HERC1: variants seen among roughly 807,000 people sequenced by gnomAD.
HERC1 encodes HECT and RLD domain containing E3 ubiquitin protein ligase family member 1.
In HERC1, 160 loss-of-function variants were observed where a neutral mutation model predicts 554.3. That is an observed-to-expected ratio of 0.29 (90% CI 0.25 to 0.33). The LOEUF is 0.33. Ranked by LOEUF, HERC1 falls within the 10% of genes least tolerant of loss-of-function variation. The pLI, the probability that HERC1 is intolerant of heterozygous loss-of-function variation, is 1.00. For missense variants in HERC1, 4,919 were observed against 5,918.5 expected (o/e 0.83, Z 5.54); for synonymous variants, 2,175 against 2,131.7 (o/e 1.02, Z -0.56).
At chr15:63,740,958 G>C (rs2074774916) in intron 12 of HERC1, among the ~76,000 whole-genome samples, 1 of 151,542 alleles carries the variant, frequency 6.6e-6, no homozygotes, top group Non-Finnish European at 1.5e-5. Flanking sequence ...TTGGTTGTTT[G>C]TGCTTTTGAT....
chr15:63,832,246 A>AT (rs1222030689), intron 1 of HERC1, among the ~76,000 whole-genome samples: 3 of 152,190 alleles, frequency 2.0e-5, no homozygotes, highest in Non-Finnish European at 2.9e-5. Context: ...TCCAAGATAT[A>AT]TAAATGTGTA....
At chr15:63,726,379 G>T (rs1450479862) in intron 17 of HERC1, among the ~76,000 whole-genome samples, 1 of 152,070 alleles carries the variant, frequency 6.6e-6, no homozygotes, top group Non-Finnish European at 1.5e-5. Flanking sequence ...TAAAAATAGA[G>T]ACTGAAAAAT....
chr15:63,681,267 T>C (rs1189047118), intron 34 of HERC1, among the ~76,000 whole-genome samples: 1 of 152,162 alleles, frequency 6.6e-6, no homozygotes, highest in Non-Finnish European at 1.5e-5. Context: ...AGTAGCATGA[T>C]CATGGCTCAC....
rs149325973 is a variant in HERC1, at chr15:63,809,009, GAAGA to G, written c.-27+24814_-27+24817del. Among the ~76,000 whole-genome samples, 795 of 152,226 alleles carry G rather than the reference GAAGA, an allele frequency of 5.2e-3. 8 individuals carry two copies. Among genetic ancestry groups the G allele is most frequent in the African/African-American group, 0.018 (766 of 41,530 alleles). On this transcript the variant is annotated intron_variant, in intron 1 of 77. Coordinates refer to ENST00000443617, the MANE Select transcript of HERC1 (RefSeq NM_003922.4). Reference sequence around the variant, plus strand: ...TTATGGCCTCCCTAAAATAAAAAATGAAGAAATAGCAAAAATATCAGAAGTAAGT... The same window carrying G: ...TTATGGCCTCCCTAAAATAAAAAATGAATAGCAAAAATATCAGAAGTAAGT...
In HERC1 at chr15:63,725,509, C is replaced by T. The variant is rs2074003845; in HGVS notation, c.3351G>A (p.Gly1117=). ...GACCAGCAGGATCAATTAGTTCTGGCCCTCCTAAAGACAAAATCATTAGTT... is the reference window on the plus strand; with the variant it reads ...GACCAGCAGGATCAATTAGTTCTGGTCCTCCTAAAGACAAAATCATTAGTT... The part of the protein sequence containing the change: ...DQELQWPLHG[G]PELIDPAGLP... The change falls in exon 18 of 78, where the codon GGG becomes GGA. Residue 1117 remains glycine (G), a synonymous_variant. Coordinates refer to ENST00000443617, the MANE Select transcript of HERC1 (RefSeq NM_003922.4). The T allele has an allele frequency of 1.2e-5, 19 of 1,613,108 alleles. No homozygotes were observed. The highest frequency in any genetic ancestry group is 1.5e-5 in the Non-Finnish European group (18 of 1,179,322).
intron 34 of HERC1, among the ~76,000 whole-genome samples, chr15:63,681,969 G>A (rs917314699): frequency 2.6e-5 from 4 of 152,170 alleles, no homozygotes; most frequent in African/African-American, 7.2e-5. Context: ...GTGTATCAAC[G>A]TGTGGAGTCT....
rs1595855658 is a variant in HERC1, at chr15:63,630,032, A to G, written c.12966+434T>C. Reference sequence around the variant, plus strand: ...AAAACCTAAAGATACTTTGTATGCCATCATATTATAAAATATAAAAATATT... The same window carrying G: ...AAAACCTAAAGATACTTTGTATGCCGTCATATTATAAAATATAAAAATATT... On this transcript the variant is annotated intron_variant, in intron 69 of 77. Transcript: ENST00000443617. Among the ~76,000 whole-genome samples, 3 of 152,326 alleles carry G rather than the reference A, an allele frequency of 2.0e-5. No individual in the cohort carries two copies. The South Asian group carries it at 6.2e-4, about 32-fold the overall frequency.
At chr15:63,658,757 G>A (rs1302191847) in intron 47 of HERC1, 39 bp from the exon 48 acceptor site, 5 of 1,521,858 alleles carry the variant, frequency 3.3e-6, no homozygotes, top group Middle Eastern at 1.7e-4. Context: ...AACAAGGTAA[G>A]AAAAAAATAC....
At chr15:63,803,884 G>C (rs1596295811) in intron 1 of HERC1, among the ~76,000 whole-genome samples, 1 of 152,234 alleles carries the variant, frequency 6.6e-6, no homozygotes, top group Admixed American at 6.5e-5. Flanking sequence ...TATAAAACTA[G>C]TAACTAGTAA....
intron 1 of HERC1, among the ~76,000 whole-genome samples, chr15:63,781,649 A>G (rs1404320671): frequency 6.6e-6 from 1 of 152,188 alleles, no homozygotes; most frequent in East Asian, 1.9e-4. Flanking sequence ...GCCAACTAAT[A>G]ACCCTACAAT....
intron 12 of HERC1, among the ~76,000 whole-genome samples, chr15:63,743,713 T>C (rs1313852788): frequency 6.6e-6 from 1 of 152,238 alleles, no homozygotes; most frequent in African/African-American, 2.4e-5. Flanking sequence ...GGATTCTGAA[T>C]TCCTTCTCTG....
rs77455514 is a variant in HERC1, at chr15:63,829,264, A to T, written c.-27+4563T>A. 5.5e-5 allele frequency among the ~76,000 whole-genome samples: 8 copies of T among 145,808 alleles called. No homozygotes were observed. In the East Asian group the frequency reaches 1.6e-3, roughly 29 times the overall value. On this transcript the variant is annotated intron_variant, in intron 1 of 77. Transcript: ENST00000443617. ...CAGGACCTCGTCTCTACTAAAAATT[A>T]AAAAAAAATCAGCGGGGCATGGTGG...
intron 12 of HERC1, 119 bp downstream of exon 12, chr15:63,746,799 G>T (rs918374411): frequency 2.3e-6 from 2 of 875,536 alleles, no homozygotes; most frequent in Admixed American, 2.7e-5. Context: ...AAGAAAACAG[G>T]AGTAAGGGAA....
chr15:63,820,990 C>T (rs2077670343), intron 1 of HERC1, among the ~76,000 whole-genome samples: 2 of 152,194 alleles, frequency 1.3e-5, no homozygotes, highest in Non-Finnish European at 2.9e-5. Context: ...TCACATATTA[C>T]TTAGCACACT....
chr15:63,681,639 A>C (rs1470567046), intron 34 of HERC1, among the ~76,000 whole-genome samples: 2 of 152,110 alleles, frequency 1.3e-5, no homozygotes, highest in Non-Finnish European at 2.9e-5. Flanking sequence ...CTGACCTAGA[A>C]CATTTAAACA....
chr15:63,707,585 T>C (rs1001173720), intron 24 of HERC1, among the ~76,000 whole-genome samples: 1 of 152,206 alleles, frequency 6.6e-6, no homozygotes, highest in African/African-American at 2.4e-5. Context: ...GCAATTTCAA[T>C]TGTACTCTAT....
chr15:63,767,927 C>A (rs2075833836), intron 2 of HERC1, among the ~76,000 whole-genome samples: 2 of 152,212 alleles, frequency 1.3e-5, no homozygotes, highest in Admixed American at 1.3e-4. Context: ...TCAGTCTCTT[C>A]ATATAGCTTC....
At chr15:63,785,639 G>A (rs139692386) in intron 1 of HERC1, among the ~76,000 whole-genome samples, 18 of 151,948 alleles carry the variant, frequency 1.2e-4, no homozygotes, top group Middle Eastern at 6.8e-3. Context: ...GAATGGTGGC[G>A]CATGATGTGG....
intron 70 of HERC1, among the ~76,000 whole-genome samples, chr15:63,627,941 A>G (rs987713985): frequency 6.6e-6 from 1 of 152,258 alleles, no homozygotes; most frequent in African/African-American, 2.4e-5. Context: ...AAACACAGGA[A>G]TAAAATGGCA....
Sources: gnomAD v4.1 joint callset for allele counts (sites outside exome capture counted in the v4.1 genomes callset) on GRCh38, gnomAD v4.1.1 for gene constraint, MANE v1.5 for transcripts, NCBI Gene and HGNC (gene_info 2026-07-23, HGNC 2026-07-21) for gene names.